The following THADA variants were observed in gnomAD, a reference collection of about 807,000 sequenced individuals.
THADA encodes the protein THADA armadillo repeat containing.
In THADA, 213 loss-of-function variants were observed where a neutral mutation model predicts 219.8. The observed-to-expected ratio is 0.97, with a 90% confidence interval of 0.87 to 1.09. THADA has a LOEUF of 1.09. Among genes scored for constraint, THADA ranks in the 50% least tolerant of loss-of-function variants. The pLI, the probability that THADA is intolerant of heterozygous loss-of-function variation, is 0.00. For synonymous variants in THADA, 1,018 were observed against 828.9 expected, an observed-to-expected ratio of 1.23 and a Z score of -3.92; for missense variants, 2,956 against 2,311.3, an observed-to-expected ratio of 1.28 and a Z score of -5.72.
At chr2:43,324,880 T>C (rs1470712043) in intron 30 of THADA, among the ~76,000 whole-genome samples, 1 of 152,062 alleles carries the variant, frequency 6.6e-6, no homozygotes, top group Non-Finnish European at 1.5e-5. Flanking sequence ...AGATTTATAG[T>C]GCTCAAAAAA....
At chr2:43,542,451 G>A (rs1380184799) in intron 20 of THADA, among the ~76,000 whole-genome samples, 1 of 151,928 alleles carries the variant, frequency 6.6e-6, no homozygotes, top group Non-Finnish European at 1.5e-5. Context: ...ATAATTTTTT[G>A]CAAGACAATA....
intron 36 of THADA, among the ~76,000 whole-genome samples, chr2:43,271,728 C>A (rs1392587695): frequency 1.3e-5 from 2 of 151,510 alleles, no homozygotes; most frequent in Non-Finnish European, 2.9e-5. Flanking sequence ...GATTCTCCTG[C>A]CTCAGCCTCC....
At chr2:43,525,305 A>C (rs1693024890) in intron 22 of THADA, among the ~76,000 whole-genome samples, 1 of 152,176 alleles carries the variant, frequency 6.6e-6, no homozygotes, top group Non-Finnish European at 1.5e-5. Context: ...CTACCACAAC[A>C]TCTCCTATCT....
chr2:43,339,217 G>A (rs1002423121), intron 30 of THADA, among the ~76,000 whole-genome samples: 3 of 152,108 alleles, frequency 2.0e-5, no homozygotes, highest in Non-Finnish European at 4.4e-5. Flanking sequence ...AGGGGAAAAC[G>A]GTGAAAAAAT....
intron 30 of THADA, 22 bp downstream of exon 30, chr2:43,344,100 C>A (rs758150483): frequency 1.9e-6 from 3 of 1,541,782 alleles, no homozygotes; most frequent in Admixed American, 3.6e-5. Context: ...TAACTCCTTG[C>A]TCATGTGGGA....
chr2:43,547,085 A>T (rs1030939834), intron 20 of THADA, among the ~76,000 whole-genome samples: 1 of 141,358 alleles, frequency 7.1e-6, no homozygotes, highest in African/African-American at 2.6e-5. Context: ...AAAATCTCTC[A>T]GCATTTGCTT....
chr2:43,514,423 C>G (rs1048256770), intron 22 of THADA, among the ~76,000 whole-genome samples: 2 of 146,160 alleles, frequency 1.4e-5, no homozygotes, highest in African/African-American at 5.0e-5. Context: ...GGCACTCCAG[C>G]CTGGGTGACA....
At position 43,505,668 on chromosome 2, in the gene THADA, A is replaced by G. The variant is rs763077417; in HGVS notation, c.3575T>C (p.Ile1192Thr). The change falls in exon 24 of 38, where the codon ATC becomes ACC. Residue 1192 changes from isoleucine (I) to threonine (T), a missense_variant. Ile to Thr is a moderately conservative substitution (Grantham distance 89). Coordinates refer to ENST00000405975, the MANE Select transcript of THADA (RefSeq NM_022065.5). The stretch of plus-strand genomic sequence containing the variant: ...GTCATCTGTAGGCCCAGCCAAAGAG[A>G]TTAACTCTTTCATTGTTATTTTCAA... ...DLLKITMKEL[I>T]SLAGPTDDIQ... 6.3e-7 allele frequency: 1 copy of G among 1,597,770 alleles called. No homozygotes were observed. Among genetic ancestry groups the G allele is most frequent in the Non-Finnish European group, 8.5e-7 (1 of 1,171,056 alleles).
Position 43,586,735 on chromosome 2 carries a change from C to G in THADA, c.452-1G>C. 6.2e-7 allele frequency: 1 copy of G among 1,612,134 alleles called. No homozygotes were observed. Among genetic ancestry groups the G allele is most frequent in the Non-Finnish European group, 8.5e-7 (1 of 1,179,454 alleles). ...AGCAGATTATTAACACTTGCTCTAC[C>G]TGTAGAGGAAAAAATGAACACTGGT... On this transcript the variant is annotated splice_acceptor_variant, in intron 5 of 37. Transcript: ENST00000405975. LOFTEE classifies it high-confidence loss of function.
Position 43,581,701 on chromosome 2 carries a change from G to A in THADA, c.721+40C>T, listed in dbSNP as rs915612973. ...AGCTGATTGACACTCAATTTTAACT[G>A]TCAATTATATATCATTTGTATATAA... On this transcript the variant is annotated intron_variant, in intron 8 of 37. Transcript: ENST00000405975. 4 of 1,546,038 alleles carry A rather than the reference G, an allele frequency of 2.6e-6. No homozygotes were observed. In the Admixed American group the frequency reaches 7.5e-5, roughly 29 times the overall value.
chr2:43,390,700 G>A (rs1396159232), intron 29 of THADA, among the ~76,000 whole-genome samples: 2 of 152,066 alleles, frequency 1.3e-5, no homozygotes, highest in Non-Finnish European at 2.9e-5. Flanking sequence ...ATTTCTTACT[G>A]TCTCCCTGCT....
In THADA at chr2:43,513,145, A is replaced by G. The variant is rs1000785161; in HGVS notation, c.3375-4365T>C. On this transcript the variant is annotated intron_variant, in intron 22 of 37. Transcript: ENST00000405975. ...AAAATGACAGTTTTTGGAAGGATTGAGTTTGTTCTTATGTCTAATAAGTTC... is the reference window on the plus strand; with the variant it reads ...AAAATGACAGTTTTTGGAAGGATTGGGTTTGTTCTTATGTCTAATAAGTTC... Among the ~76,000 whole-genome samples, 4 of 152,094 alleles carry G rather than the reference A, an allele frequency of 2.6e-5. No homozygotes were observed. The East Asian group carries it at 7.7e-4, about 29-fold the overall frequency.
intron 28 of THADA, among the ~76,000 whole-genome samples, chr2:43,400,858 A>T (rs1270143141): frequency 6.6e-6 from 1 of 152,148 alleles, no homozygotes; most frequent in Non-Finnish European, 1.5e-5. Context: ...AATTAAGACC[A>T]TGTGGTGAAT....
intron 30 of THADA, among the ~76,000 whole-genome samples, chr2:43,338,154 CTTTTT>C (rs35928615): frequency 7.9e-6 from 1 of 126,362 alleles, no homozygotes; most frequent in Non-Finnish European, 1.7e-5. Flanking sequence ...ATCACCAGAA[CTTTTT>C]TTTTTTTTTT....
At chr2:43,467,181 C>CA (rs70963399) in intron 26 of THADA, among the ~76,000 whole-genome samples, 17,450 of 58,198 alleles carry the variant, frequency 0.3, 3,506 homozygotes, top group Non-Finnish European at 0.4. Context: ...GACTCCGTCT[C>CA]AAAAAAAAAA....
chr2:43,449,204 C>T (rs971853892), intron 26 of THADA, among the ~76,000 whole-genome samples: 5 of 151,960 alleles, frequency 3.3e-5, no homozygotes, highest in South Asian at 2.1e-4. Context: ...TAGAGGGATT[C>T]GAAGGCATAT....
At chr2:43,578,445 C>T (rs1361976252) in intron 9 of THADA, 68 bp downstream of exon 9, 3 of 1,346,416 alleles carry the variant, frequency 2.2e-6, no homozygotes, top group Non-Finnish European at 3.1e-6. Context: ...CTGCACCAAG[C>T]CAAAATTATT....
At chr2:43,498,521 T>C (rs540635356) in intron 25 of THADA, among the ~76,000 whole-genome samples, 68 of 152,238 alleles carry the variant, frequency 4.5e-4, no homozygotes, top group African/African-American at 1.5e-3. Flanking sequence ...TATTATTAAG[T>C]TCTTATACTT....
chr2:43,251,436 C>G (rs1347041546), intron 36 of THADA, among the ~76,000 whole-genome samples: 1 of 152,230 alleles, frequency 6.6e-6, no homozygotes, highest in Non-Finnish European at 1.5e-5. Flanking sequence ...GCCCTGAAGC[C>G]TGCTGGTGTC....
Sources: allele counts gnomAD v4.1 joint callset (sites outside exome capture counted in the v4.1 genomes callset), GRCh38; gene constraint gnomAD v4.1.1; transcripts MANE v1.5; gene names NCBI Gene and HGNC (gene_info 2026-07-23, HGNC 2026-07-21).